Variants in ATP2B1 observed in about 807,000 individuals in gnomAD.
The protein encoded by ATP2B1 is plasma membrane calcium-transporting ATPase 1.
In ATP2B1, 14 loss-of-function variants were observed where a neutral mutation model predicts 124.2. The ratio of observed to expected loss-of-function variants is 0.11; its 90% CI spans 0.07 to 0.18. ATP2B1 has a LOEUF of 0.18. ATP2B1 is among the 10% of genes least tolerant of loss of function. The pLI, the probability that ATP2B1 is intolerant of heterozygous loss-of-function variation, is 1.00. For synonymous variants in ATP2B1, 449 were observed against 492.4 expected, an observed-to-expected ratio of 0.91 and a Z score of 1.17; for missense variants, 763 against 1,466.1, an observed-to-expected ratio of 0.52 and a Z score of 7.83.
intron 1 of ATP2B1, among the ~76,000 whole-genome samples, chr12:89,699,375 ATTT>A (rs1891549174): frequency 6.6e-6 from 1 of 152,242 alleles, no homozygotes; most frequent in African/African-American, 2.4e-5. Context: ...CAATAAATGT[ATTT>A]ATCTTCATAA....
intron 7 of ATP2B1, among the ~76,000 whole-genome samples, chr12:89,626,917 C>G (rs938797829): frequency 5.9e-5 from 9 of 152,098 alleles, no homozygotes; most frequent in African/African-American, 2.2e-4. Context: ...TAGGTAACAT[C>G]TAAACAACAT....
chr12:89,696,930 C>T (rs1249819187), intron 1 of ATP2B1, among the ~76,000 whole-genome samples: 1 of 151,736 alleles, frequency 6.6e-6, no homozygotes, highest in Non-Finnish European at 1.5e-5. Flanking sequence ...GTCAAAGTAA[C>T]TAGTGTGTTT....
chr12:89,618,333 C>T (rs1803892942), intron 11 of ATP2B1, among the ~76,000 whole-genome samples: 1 of 152,188 alleles, frequency 6.6e-6, no homozygotes. Context: ...GTATGCATTA[C>T]TTCATTTAAG....
intron 1 of ATP2B1, among the ~76,000 whole-genome samples, chr12:89,667,662 A>G (rs1305979126): frequency 1.3e-5 from 2 of 152,254 alleles, no homozygotes; most frequent in Non-Finnish European, 2.9e-5. Flanking sequence ...AGGAGTTTAC[A>G]GTCTAAATGA....
rs182194626 is a variant in ATP2B1, at chr12:89,613,347, T to A, written c.2068-1975A>T. ...TGCAATTTAAATACATATTTATCTA[T>A]AAGTTTTAAGATTTACATCATAAAA... is the stretch of plus-strand genomic sequence containing the variant. On this transcript the variant is annotated intron_variant, in intron 12 of 20. Transcript: ENST00000428670. Among the ~76,000 whole-genome samples, 15 of 152,322 alleles carry A rather than the reference T, an allele frequency of 9.8e-5. No individual in the cohort carries two copies. In the East Asian group the frequency reaches 2.7e-3, roughly 27 times the overall value.
intron 1 of ATP2B1, among the ~76,000 whole-genome samples, chr12:89,658,597 A>C (rs191519319): frequency 1.9e-4 from 13 of 67,910 alleles, no homozygotes; most frequent in African/African-American, 6.8e-4. Flanking sequence ...GAATTCAAAC[A>C]GGAGAGAGAG....
At chr12:89,626,107 G>A (rs554534126) in intron 8 of ATP2B1, among the ~76,000 whole-genome samples, 45 of 152,150 alleles carry the variant, frequency 3.0e-4, no homozygotes, top group Non-Finnish European at 2.4e-4. Context: ...GTAAAAAGAT[G>A]AGCAAAATGT....
At chr12:89,705,132 T>C (rs1347685337) in intron 1 of ATP2B1, among the ~76,000 whole-genome samples, 1 of 152,136 alleles carries the variant, frequency 6.6e-6, no homozygotes, top group African/African-American at 2.4e-5. Context: ...CAACAATATA[T>C]GTGGTATGTA....
chr12:89,620,972 A>AT (rs2136082727), intron 10 of ATP2B1, among the ~76,000 whole-genome samples: 1 of 152,302 alleles, frequency 6.6e-6, no homozygotes, highest in African/African-American at 2.4e-5. Flanking sequence ...ACTAGAAGAG[A>AT]TTAAGTCAAA....
At chr12:89,693,561 T>C (rs1482854698) in intron 1 of ATP2B1, among the ~76,000 whole-genome samples, 1 of 151,922 alleles carries the variant, frequency 6.6e-6, no homozygotes, top group Non-Finnish European at 1.5e-5. Context: ...TTTAACCAAA[T>C]TGTCCATGCC....
intron 1 of ATP2B1, among the ~76,000 whole-genome samples, chr12:89,684,957 AT>A (rs1889787794): frequency 1.3e-5 from 2 of 152,314 alleles, no homozygotes; most frequent in East Asian, 3.9e-4. Context: ...GCACAATCCA[AT>A]TTTAGTAATT....
chr12:89,708,884 C>G (rs950341974), upstream of ATP2B1: 14 of 152,012 alleles, frequency 9.2e-5, no homozygotes, highest in Admixed American at 2.6e-4. Context: ...GGCGCCCGGC[C>G]GTCCCCGCCC....
chr12:89,588,212 A>T lies in ATP2B1; in HGVS notation c.*2772T>A, dbSNP rs1872963904. The T allele has an allele frequency of 6.6e-6, 1 of 152,598 alleles. No homozygotes were observed. The highest frequency in any genetic ancestry group is 1.5e-5 in the Non-Finnish European group (1 of 68,012). 9.5% of individuals were successfully genotyped at this position (152,598 alleles called of 1,614,324 possible). A position where few individuals can be genotyped will look rare whatever the true frequency, so the allele number is the denominator to read the frequency against. ...AGTTGGCTTACACGTGTAAAAAGAAATTTTCAAAGAGCAATTTCACAGAAA... is the reference window on the plus strand; with the variant it reads ...AGTTGGCTTACACGTGTAAAAAGAATTTTTCAAAGAGCAATTTCACAGAAA... On this transcript the variant is annotated 3_prime_UTR_variant, in exon 21 of 21. Transcript: ENST00000428670.
Position 89,656,035 on chromosome 12 carries a change from A to G in ATP2B1, c.-149T>C, listed in dbSNP as rs1885914685. 2 of 771,794 alleles carry G rather than the reference A, an allele frequency of 2.6e-6. No individual in the cohort carries two copies. Among genetic ancestry groups the G allele is most frequent in the Non-Finnish European group, 4.0e-6 (2 of 503,574 alleles). The allele number at this position is 771,794 out of a possible 1,614,324, so 47.8% of individuals were successfully genotyped here. On this transcript the variant is annotated 5_prime_UTR_variant, in exon 2 of 21. Transcript: ENST00000428670. The stretch of plus-strand genomic sequence containing the variant: ...ACTTTGTAAAGCAGCATCAGCAGCA[A>G]CATTTCCCAGAGAAGTATCTTGACC...
intron 1 of ATP2B1, among the ~76,000 whole-genome samples, chr12:89,700,012 A>C (rs984800304): frequency 3.0e-5 from 4 of 133,236 alleles, no homozygotes; most frequent in African/African-American, 1.1e-4. Flanking sequence ...GCCTGGCTAA[A>C]TTTTTTTTTT....
intron 15 of ATP2B1, among the ~76,000 whole-genome samples, chr12:89,605,823 C>G (rs2135960058): frequency 6.6e-6 from 1 of 152,178 alleles, no homozygotes; most frequent in African/African-American, 2.4e-5. Context: ...ACAGCGAGTG[C>G]AGATTAAAGC....
At position 89,602,736 on chromosome 12, in the gene ATP2B1, A is replaced by T. The variant is rs1414096638; in HGVS notation, c.3060+307T>A. Among the ~76,000 whole-genome samples, 6 of 152,234 alleles carry T rather than the reference A, an allele frequency of 3.9e-5. No individual in the cohort carries two copies. The East Asian group carries it at 1.2e-3, about 29-fold the overall frequency. ...TTTTGGTATAATGTGGGATGTAAAA[A>T]GAATACTAAAATGCTGGGAAACAAT... On this transcript the variant is annotated intron_variant, in intron 18 of 20. Coordinates refer to ENST00000428670, the MANE Select transcript of ATP2B1 (RefSeq NM_001366521.1).
intron 2 of ATP2B1, among the ~76,000 whole-genome samples, chr12:89,653,678 T>C (rs1367374978): frequency 1.3e-5 from 2 of 152,216 alleles, no homozygotes; most frequent in Non-Finnish European, 2.9e-5. Context: ...GGTACATAAC[T>C]ATCCCCTTCT....
At chr12:89,662,147 T>C (rs1455888825) in intron 1 of ATP2B1, among the ~76,000 whole-genome samples, 1 of 151,966 alleles carries the variant, frequency 6.6e-6, no homozygotes, top group Admixed American at 6.6e-5. Flanking sequence ...CTTTTTTTTT[T>C]TTTTTAACAC....
Sources: allele counts gnomAD v4.1 joint callset (sites outside exome capture counted in the v4.1 genomes callset), GRCh38; gene constraint gnomAD v4.1.1; transcripts MANE v1.5; gene names NCBI Gene and HGNC (gene_info 2026-07-23, HGNC 2026-07-21).